The following FSD1L variants were observed in gnomAD, a reference collection of about 807,000 sequenced individuals.
The protein encoded by FSD1L is FSD1-like protein.
A neutral mutation model predicts 71.6 loss-of-function variants in FSD1L; 45 were observed. That is an observed-to-expected ratio of 0.63 (90% CI 0.49 to 0.81). The LOEUF (loss-of-function observed/expected upper bound fraction) is 0.81. Ranked by LOEUF, FSD1L falls within the 30% of genes least tolerant of loss-of-function variation. The probability of loss-of-function intolerance (pLI) is 0.00; values close to 1 mark genes in which losing one functional copy is unlikely to be tolerated. For missense variants in FSD1L, 561 were observed against 618.1 expected (o/e 0.91, Z 0.98); for synonymous variants, 197 against 207.2 (o/e 0.95, Z 0.42).
At chr9:105,534,331 C>T (rs1173924665) in intron 10 of FSD1L, among the ~76,000 whole-genome samples, 162 bp from the exon 11 acceptor site, 2 of 152,134 alleles carry the variant, frequency 1.3e-5, no homozygotes, top group Non-Finnish European at 2.9e-5. Flanking sequence ...TTATAATTGA[C>T]AGCGCTCTTT....
In FSD1L at chr9:105,468,145, T is replaced by C. The variant is rs1319536227; in HGVS notation, c.208-48T>C. 2.3e-6 allele frequency: 3 copies of C among 1,299,786 alleles called. No individual in the cohort carries two copies. The East Asian group carries it at 9.4e-5, about 41-fold the overall frequency. 80.5% of individuals were successfully genotyped at this position (1,299,786 alleles called of 1,614,324 possible). A position where few individuals can be genotyped will look rare whatever the true frequency, so the allele number is the denominator to read the frequency against. On this transcript the variant is annotated intron_variant, in intron 3 of 13. Transcript: ENST00000481272. ...TTGGGCATACCTTTTAGGTTTTAAATGTTTGATAGCGCTTCAGTAAAATTG... is the reference window on the plus strand; with the variant it reads ...TTGGGCATACCTTTTAGGTTTTAAACGTTTGATAGCGCTTCAGTAAAATTG...
At chr9:105,478,681 A>G (rs983852374) in intron 5 of FSD1L, among the ~76,000 whole-genome samples, 5 of 152,190 alleles carry the variant, frequency 3.3e-5, no homozygotes, top group Non-Finnish European at 7.4e-5. Context: ...AAAAAAGACA[A>G]AAGAGATACC....
At chr9:105,511,230 G>A (rs1194784540) in intron 9 of FSD1L, among the ~76,000 whole-genome samples, 3 of 151,160 alleles carry the variant, frequency 2.0e-5, no homozygotes, top group African/African-American at 7.3e-5. Context: ...AGTATTGCTG[G>A]TGGCCCTTCT....
intron 1 of FSD1L, among the ~76,000 whole-genome samples, chr9:105,451,218 C>G (rs541737552): frequency 7.2e-5 from 11 of 152,358 alleles, no homozygotes; most frequent in Admixed American, 7.2e-4. Flanking sequence ...CTCGGCCTCC[C>G]AAAGTGCTGG....
chr9:105,480,406 C>T (rs1832093987), intron 6 of FSD1L, among the ~76,000 whole-genome samples: 3 of 151,960 alleles, frequency 2.0e-5, no homozygotes. Flanking sequence ...GATCCTCCAC[C>T]TCATCCTCCT....
intron 12 of FSD1L, among the ~76,000 whole-genome samples, chr9:105,538,589 GT>G (rs1564152294): frequency 2.0e-5 from 3 of 151,884 alleles, no homozygotes; most frequent in African/African-American, 4.8e-5. Context: ...CAGACAGACA[GT>G]TTTTTTTAGG....
chr9:105,513,029 A>G, intron 10 of FSD1L, 93 bp downstream of exon 10: 3 of 1,088,782 alleles, frequency 2.8e-6, no homozygotes, highest in South Asian at 4.9e-5. Flanking sequence ...TAGTCAATAT[A>G]CCTATGAGAG....
intron 10 of FSD1L, chr9:105,523,750 G>C: frequency 6.3e-7 from 1 of 1,596,950 alleles, no homozygotes; most frequent in Non-Finnish European, 8.6e-7. Flanking sequence ...TCTCCAAATA[G>C]AGATTTTCTA....
At chr9:105,538,925 A>C (rs914938307) in intron 12 of FSD1L, among the ~76,000 whole-genome samples, 23 of 152,172 alleles carry the variant, frequency 1.5e-4, no homozygotes, top group African/African-American at 5.5e-4. Context: ...GTTATAGGAA[A>C]AATAAGGAGG....
At chr9:105,513,654 T>G in intron 10 of FSD1L, 3 of 1,513,300 alleles carry the variant, frequency 2.0e-6, no homozygotes, top group Non-Finnish European at 2.7e-6. Flanking sequence ...GTCTGTCTAG[T>G]TCTAGGACTT....
chr9:105,513,951 T>C (rs1441184765), intron 10 of FSD1L, among the ~76,000 whole-genome samples: 1 of 152,246 alleles, frequency 6.6e-6, no homozygotes, highest in Admixed American at 6.5e-5. Context: ...TACTGAATAA[T>C]ATTCGTTAGT....
intron 1 of FSD1L, among the ~76,000 whole-genome samples, 176 bp downstream of exon 1, chr9:105,448,411 C>A (rs1317874078): frequency 6.6e-6 from 1 of 152,204 alleles, no homozygotes; most frequent in Non-Finnish European, 1.5e-5. Flanking sequence ...TAAGAGGCGC[C>A]CACACGGATG....
chr9:105,510,414 G>A (rs1834326737), intron 9 of FSD1L, among the ~76,000 whole-genome samples: 1 of 152,142 alleles, frequency 6.6e-6, no homozygotes, highest in Admixed American at 6.5e-5. Context: ...GAGCTGCAGA[G>A]GAAAAGTCCA....
At position 105,551,577 on chromosome 9, in the gene FSD1L, C is replaced by T. The variant is rs895768774; in HGVS notation, c.*5094C>T. 1 of 152,158 alleles carries T rather than the reference C, an allele frequency of 6.6e-6. No homozygotes were observed. Among genetic ancestry groups the T allele is most frequent in the African/African-American group, 2.4e-5 (1 of 41,460 alleles). 9.4% of individuals were successfully genotyped at this position (152,158 alleles called of 1,614,324 possible). On this transcript the variant is annotated 3_prime_UTR_variant, in exon 14 of 14. Transcript: ENST00000481272. ...GTTTGGATAATTGTAGATGCATTTA[C>T]TTTGATAAAGCGTGTGCTTAAAGTG...
chr9:105,464,241 T>C lies in FSD1L; in HGVS notation c.117T>C (p.Ala39=). Residue 39 remains alanine (A), a synonymous_variant, in exon 3 of 14, where the codon GCT becomes GCC. Transcript: ENST00000481272. ...GPESINLQQE[A]LQRIISTLAN... ...AATGCTTTTCTTAATTCTAGGAAGC[T>C]CTACAGAGGATCATTTCAACTCTGG... The C allele has an allele frequency of 6.7e-7, 1 of 1,484,984 alleles. No homozygotes were observed. 92.0% of individuals were successfully genotyped at this position (1,484,984 alleles called of 1,614,324 possible). A position where few individuals can be genotyped will look rare whatever the true frequency, so the allele number is the denominator to read the frequency against.
chr9:105,454,956 T>G (rs558750275), intron 1 of FSD1L, among the ~76,000 whole-genome samples: 1 of 152,308 alleles, frequency 6.6e-6, no homozygotes, highest in African/African-American at 2.4e-5. Flanking sequence ...TTAGGTATAT[T>G]ATGATTAGAT....
intron 7 of FSD1L, among the ~76,000 whole-genome samples, chr9:105,487,344 C>T (rs921496794): frequency 6.6e-6 from 1 of 151,160 alleles, no homozygotes; most frequent in Non-Finnish European, 1.5e-5. Flanking sequence ...TTTAAGTTGT[C>T]AAAGAGATTT....
chr9:105,459,748 T>C (rs1393336458), intron 1 of FSD1L, among the ~76,000 whole-genome samples: 1 of 152,216 alleles, frequency 6.6e-6, no homozygotes, highest in African/African-American at 2.4e-5. Context: ...GCTTTGAAAA[T>C]ATAGATGATC....
At chr9:105,540,491 C>T (rs1040289955) in intron 13 of FSD1L, among the ~76,000 whole-genome samples, 5 of 152,034 alleles carry the variant, frequency 3.3e-5, no homozygotes, top group African/African-American at 4.8e-5. Context: ...CAGTATGCAC[C>T]CCCAAGGTCA....
Sources: allele counts gnomAD v4.1 joint callset (sites outside exome capture counted in the v4.1 genomes callset), GRCh38; gene constraint gnomAD v4.1.1; transcripts MANE v1.5; gene names NCBI Gene and HGNC (gene_info 2026-07-23, HGNC 2026-07-21).